ACRBP: variants seen among roughly 807,000 people sequenced by gnomAD.
The protein encoded by ACRBP is acrosin binding protein, also known as acrosin-binding protein.
ACRBP carries 52 observed loss-of-function variants against 69.0 expected under a neutral mutation model. The ratio of observed to expected loss-of-function variants is 0.75; its 90% CI spans 0.60 to 0.95. The LOEUF (loss-of-function observed/expected upper bound fraction) is 0.95, where lower values mean the gene tolerates loss of function less well. ACRBP is among the 40% of genes least tolerant of loss of function. The pLI, the probability that ACRBP is intolerant of heterozygous loss-of-function variation, is 0.00. For missense variants in ACRBP, 604 were observed against 673.0 expected (o/e 0.90, Z 1.13); for synonymous variants, 267 against 258.9 (o/e 1.03, Z -0.30).
intron 6 of ACRBP, among the ~76,000 whole-genome samples, chr12:6,641,778 G>A (rs1023320337): frequency 2.6e-5 from 4 of 152,094 alleles, no homozygotes; most frequent in South Asian, 4.1e-4. Context: ...GGCCAGGCAC[G>A]GTGGCTCATG....
At chr12:6,638,862 A>G in intron 9 of ACRBP, 92 bp downstream of exon 9, 1 of 1,587,372 alleles carries the variant, frequency 6.3e-7, no homozygotes, top group South Asian at 1.1e-5. Flanking sequence ...TCCACATCCT[A>G]GCTGCTCGCA....
rs1188924530 is a variant in ACRBP at position 6,643,592 on chromosome 12, T to C, written c.1024A>G (p.Thr342Ala). Reference protein sequence around the residue: ...IVENTCIITPTAKAWKYMEEE... With the variant: ...IVENTCIITPAAKAWKYMEEE... ...TCCATGTACTTCCAGGCCTTGGCTG[T>C]GGGGGTTATGATGCAGGTATTCTCC... is the stretch of plus-strand genomic sequence containing the variant. Residue 342 changes from threonine (T) to alanine (A), a missense_variant, in exon 6 of 10, where the codon ACA becomes GCA. This residue lies in a region of ACRBP where 532 missense variants were observed against 562.9 expected (regional missense o/e 0.95). Transcript: ENST00000229243. 3 of 1,614,040 alleles carry C rather than the reference T, an allele frequency of 1.9e-6. No individual in the cohort carries two copies. Among genetic ancestry groups the C allele is most frequent in the Non-Finnish European group, 2.5e-6 (3 of 1,180,044 alleles).
At chr12:6,647,225 C>T (rs1245949194) in intron 1 of ACRBP, 99 bp downstream of exon 1, 1 of 1,401,050 alleles carries the variant, frequency 7.1e-7, no homozygotes, top group Non-Finnish European at 9.7e-7. Context: ...CCAGCGCGAC[C>T]ACCATGAGGA....
chr12:6,646,403 A>C (rs2136252450), intron 3 of ACRBP, 80 bp downstream of exon 3: 2 of 1,313,454 alleles, frequency 1.5e-6, no homozygotes, highest in African/African-American at 2.9e-5. Context: ...ACTCTCCTGG[A>C]ACCCTTCCTC....
chr12:6,638,955 T>G lies in ACRBP; in HGVS notation c.1508A>C (p.Lys503Thr). 1 of 1,613,916 alleles carries G rather than the reference T, an allele frequency of 6.2e-7. No homozygotes were observed. The highest frequency in any genetic ancestry group is 8.5e-7 in the Non-Finnish European group (1 of 1,179,910). ...GAGGGGCAGGGCAGGGGTGCTCACCTTCCGATTGCGGTTTCTCATCAGACA... is the reference window on the plus strand; with the variant it reads ...GAGGGGCAGGGCAGGGGTGCTCACCGTCCGATTGCGGTTTCTCATCAGACA... ...QQCLMRNRNR[K>T]VSRMRCLQNE... Residue 503 changes from lysine to threonine, a missense_variant and splice_region_variant, in exon 9 of 10, where the codon AAG becomes ACG. Physicochemically the swap from Lys to Thr is moderately conservative, Grantham distance 78. Coordinates refer to ENST00000229243, the MANE Select transcript of ACRBP (RefSeq NM_032489.3).
At chr12:6,647,046 G>A (rs117302826) in intron 1 of ACRBP, 34 bp from the exon 2 acceptor site, 257 of 1,586,254 alleles carry the variant, frequency 1.6e-4, no homozygotes, top group Admixed American at 1.7e-4. Context: ...TGGAAGGACC[G>A]AACCCCAAAA....
At position 6,640,586 on chromosome 12, in the gene ACRBP, A is replaced by C; in HGVS notation, c.1078-64T>G. 1 of 1,552,342 alleles carries C rather than the reference A, an allele frequency of 6.4e-7. No individual in the cohort carries two copies. The highest frequency in any genetic ancestry group is 8.8e-7 in the Non-Finnish European group (1 of 1,141,336). On this transcript the variant is annotated intron_variant, in intron 6 of 9. Transcript: ENST00000229243. This position sits in a 1 kb window ranked among gnomAD's most constrained non-coding sequence, Gnocchi z 5.3. ...AGCGGCCTGCCTTCTCCCATGCCTCAGCCCTCCAGGGTGGGCCCTGCAGAA... is the reference window on the plus strand; with the variant it reads ...AGCGGCCTGCCTTCTCCCATGCCTCCGCCCTCCAGGGTGGGCCCTGCAGAA...
At chr12:6,638,721 TG>T in intron 9 of ACRBP, 1 of 1,429,118 alleles carries the variant, frequency 7.0e-7, no homozygotes, top group Non-Finnish European at 9.1e-7. Flanking sequence ...GTTCTTCCTG[TG>T]GTGCTCTTAG....
chr12:6,645,797 A>C (rs1450087669), intron 3 of ACRBP, among the ~76,000 whole-genome samples: 1 of 151,132 alleles, frequency 6.6e-6, no homozygotes, highest in Non-Finnish European at 1.5e-5. Context: ...AGTAGCTGGG[A>C]CTACAGGCGC....
Position 6,644,567 on chromosome 12 carries a change from G to C in ACRBP, c.514C>G (p.Leu172Val), listed in dbSNP as rs1949075134. The stretch of plus-strand genomic sequence containing the variant: ...AGGAGCTCTTCCACGTTGTTGCTGA[G>C]CCTCTCAGGCCAGGGCTGGAAGGTC... ...RQTFQPWPER[L>V]SNNVEELLQS... Residue 172 changes from leucine (L) to valine (V), a missense_variant, in exon 5 of 10, where the codon CTC (leucine) becomes GTC (valine). Physicochemically the swap from Leu to Val is conservative, Grantham distance 32. Coordinates refer to ENST00000229243, the MANE Select transcript of ACRBP (RefSeq NM_032489.3). 1.2e-6 allele frequency: 2 copies of C among 1,614,006 alleles called. No homozygotes were observed. The highest frequency in any genetic ancestry group is 8.5e-7 in the Non-Finnish European group (1 of 1,179,944).
At chr12:6,639,127 GGGC>G in intron 8 of ACRBP, 90 bp from the exon 9 acceptor site, 1 of 1,260,460 alleles carries the variant, frequency 7.9e-7, no homozygotes, top group Non-Finnish European at 1.2e-6. Context: ...GCAGAGCCAG[GGGC>G]AGGGTGTGGC....
chr12:6,639,769 G>A (rs1240329051), intron 8 of ACRBP, among the ~76,000 whole-genome samples: 4 of 152,228 alleles, frequency 2.6e-5, no homozygotes, highest in Admixed American at 6.5e-5. Flanking sequence ...GATTGAGTAG[G>A]AAGTGACTTG....
In ACRBP at chr12:6,638,310, C is replaced by T; in HGVS notation, c.1604G>A (p.Ser535Asn). ...TCCGAACTGGCCTAGAGTCAAGGTG[C>T]TGAACTCCTGGCTCCATCGAAGCAC... is the stretch of plus-strand genomic sequence containing the variant. ...DVVLRWSQEF[S>N]TLTLGQFG is the part of the protein sequence containing the mutation. Residue 535 changes from serine (S) to asparagine (N), a missense_variant, in exon 10 of 10, where the codon AGC (serine) becomes AAC (asparagine). Transcript: ENST00000229243. The T allele has an allele frequency of 6.2e-7, 1 of 1,614,146 alleles. No homozygotes were observed. Among genetic ancestry groups the T allele is most frequent in the South Asian group, 1.1e-5 (1 of 91,090 alleles).
chr12:6,638,814 G>A (rs1262893215), intron 9 of ACRBP, 140 bp downstream of exon 9: 6 of 1,504,466 alleles, frequency 4.0e-6, no homozygotes, highest in East Asian at 2.4e-5. Flanking sequence ...GCCTGCTGGT[G>A]GAGGCCTCTG....
chr12:6,641,452 G>A (rs142025856), intron 6 of ACRBP, among the ~76,000 whole-genome samples: 24 of 152,240 alleles, frequency 1.6e-4, no homozygotes, highest in African/African-American at 5.3e-4. Flanking sequence ...CAGTGCAAAT[G>A]CTCATGTTGC....
intron 8 of ACRBP, among the ~76,000 whole-genome samples, chr12:6,639,479 GC>G (rs1275786691): frequency 6.6e-6 from 1 of 152,210 alleles, no homozygotes; most frequent in African/African-American, 2.4e-5. Flanking sequence ...CTGGACATGG[GC>G]CCCCCAGCTC....
In ACRBP at chr12:6,640,529, C is replaced by G; in HGVS notation, c.1078-7G>C. Reference sequence around the variant, plus strand: ...GCCCAAGGCTGTCACAGACCTGGGGCAGGGGAATGGGTGAGGCTGAAGCTG... The same window carrying G: ...GCCCAAGGCTGTCACAGACCTGGGGGAGGGGAATGGGTGAGGCTGAAGCTG... On this transcript the variant is annotated splice_polypyrimidine_tract_variant and splice_region_variant and intron_variant, in intron 6 of 9. Transcript: ENST00000229243. The surrounding 1 kb of genome is among the most constrained non-coding windows in gnomAD (Gnocchi z 5.3). 9 of 1,612,272 alleles carry G rather than the reference C, an allele frequency of 5.6e-6. No individual in the cohort carries two copies. The highest frequency in any genetic ancestry group is 7.6e-6 in the Non-Finnish European group (9 of 1,179,024).
At chr12:6,639,844 G>A (rs1949037947) in intron 8 of ACRBP, among the ~76,000 whole-genome samples, 1 of 152,192 alleles carries the variant, frequency 6.6e-6, no homozygotes, top group Non-Finnish European at 1.5e-5. Flanking sequence ...TGTTTTCTCA[G>A]CCCTCTGGGT....
chr12:6,638,453 A>G (rs1478091175), intron 9 of ACRBP, 49 bp from the exon 10 acceptor site: 1 of 1,611,194 alleles, frequency 6.2e-7, no homozygotes, highest in Admixed American at 1.7e-5. Context: ...GCCAGGTGCC[A>G]GGAGTGGGGA....
Sources: gnomAD v4.1 joint callset for allele counts (sites outside exome capture counted in the v4.1 genomes callset) on GRCh38, gnomAD v4.1.1 for gene constraint, gnomAD v4.1.1 regional missense constraint, Gnocchi (gnomAD v3.1) non-coding constraint, MANE v1.5 for transcripts, NCBI Gene and HGNC (gene_info 2026-07-23, HGNC 2026-07-21) for gene names.